Variants in GLUD1 observed in about 807,000 individuals in gnomAD.
GLUD1 encodes the protein glutamate dehydrogenase 1, also known as glutamate dehydrogenase 1, mitochondrial.
GLUD1 carries 22 observed loss-of-function variants against 56.0 expected under a neutral mutation model. The observed-to-expected ratio is 0.39, with a 90% CI of 0.28 to 0.56. The LOEUF is 0.56. Among genes scored for constraint, GLUD1 ranks in the 20% least tolerant of loss-of-function variants. GLUD1 has a pLI of 0.58. For synonymous variants in GLUD1, 223 were observed against 269.9 expected (o/e 0.83, Z 1.70); for missense variants, 451 against 732.0 (o/e 0.62, Z 4.43).
intron 1 of GLUD1, among the ~76,000 whole-genome samples, chr10:87,093,628 C>T (rs891931144): frequency 6.6e-6 from 1 of 152,184 alleles, no homozygotes; most frequent in Non-Finnish European, 1.5e-5. Flanking sequence ...CCATCCGCAG[C>T]CTACAACCTG....
intron 5 of GLUD1, among the ~76,000 whole-genome samples, chr10:87,066,349 C>T (rs1003684447): frequency 1.3e-5 from 2 of 152,270 alleles, no homozygotes; most frequent in Admixed American, 6.5e-5. Context: ...TGCTTGAAAC[C>T]AGCTCTTTGC....
chr10:87,066,428 G>C (rs950990794), intron 5 of GLUD1, among the ~76,000 whole-genome samples: 2 of 152,168 alleles, frequency 1.3e-5, no homozygotes, highest in African/African-American at 4.8e-5. Flanking sequence ...AACCTGGCCT[G>C]ACCCTTTTTT....
chr10:87,070,460 G>A (rs1375192513), intron 4 of GLUD1, among the ~76,000 whole-genome samples: 7 of 152,126 alleles, frequency 4.6e-5, no homozygotes, highest in Non-Finnish European at 1.0e-4. Flanking sequence ...TTAGCTGGGG[G>A]TGGAGGCACA....
intron 4 of GLUD1, among the ~76,000 whole-genome samples, chr10:87,071,045 C>G (rs1400751130): frequency 6.6e-6 from 1 of 151,794 alleles, no homozygotes; most frequent in Non-Finnish European, 1.5e-5. Context: ...AGGAGAATGG[C>G]GTGAACCCGG....
intron 11 of GLUD1, 40 bp downstream of exon 11, chr10:87,057,651 G>GAGCA (rs747444397): frequency 1.0e-6 from 1 of 974,482 alleles, no homozygotes; most frequent in Admixed American, 1.7e-5. Flanking sequence ...AAAGAGCAGG[G>GAGCA]AGCATGTGTG....
intron 12 of GLUD1, 102 bp downstream of exon 12, chr10:87,053,240 T>C (rs372290442): frequency 1.3e-4 from 102 of 798,486 alleles, no homozygotes; most frequent in African/African-American, 3.2e-4. Context: ...ATTGAACAGA[T>C]TGATGTTTTC....
intron 9 of GLUD1, among the ~76,000 whole-genome samples, chr10:87,059,832 C>T (rs1423354346): frequency 6.6e-6 from 1 of 152,160 alleles, no homozygotes; most frequent in Non-Finnish European, 1.5e-5. Context: ...GGAAAGGGCA[C>T]TTGAAATGCA....
chr10:87,061,973 C>G lies in GLUD1; in HGVS notation c.921+683G>C, dbSNP rs762036686. Reference sequence around the variant, plus strand: ...TAATTTTCCTATTTTTAGCGGAGACCGGGTTTCACCATGTTGGCCAGGATG... The same window carrying G: ...TAATTTTCCTATTTTTAGCGGAGACGGGGTTTCACCATGTTGGCCAGGATG... On this transcript the variant is annotated intron_variant, in intron 6 of 12. Coordinates refer to ENST00000277865, the MANE Select transcript of GLUD1 (RefSeq NM_005271.5). 3.3e-5 allele frequency among the ~76,000 whole-genome samples: 5 copies of G among 152,224 alleles called. No homozygotes were observed. The South Asian group carries it at 8.3e-4, about 25-fold the overall frequency.
intron 3 of GLUD1, 79 bp downstream of exon 3, chr10:87,075,889 G>T: frequency 9.9e-7 from 1 of 1,008,058 alleles, no homozygotes; most frequent in Middle Eastern, 2.1e-4. Context: ...ACTCCGGCCT[G>T]AACAACAGAG....
chr10:87,060,477 AT>A (rs1845901380), intron 8 of GLUD1: 2 of 674,382 alleles, frequency 3.0e-6, no homozygotes, highest in Non-Finnish European at 5.1e-6. Context: ...TGTCAGGCAG[AT>A]GCGTTTGTTT....
intron 1 of GLUD1, among the ~76,000 whole-genome samples, chr10:87,085,348 CAAAAAAAAA>C (rs10655872): frequency 8.9e-6 from 1 of 112,642 alleles, no homozygotes; most frequent in African/African-American, 3.1e-5. Flanking sequence ...ACTCCGTCTC[CAAAAAAAAA>C]AAAAAAAACC....
intron 3 of GLUD1, among the ~76,000 whole-genome samples, chr10:87,075,092 A>C (rs1009699939): frequency 3.3e-5 from 5 of 152,162 alleles, no homozygotes; most frequent in Admixed American, 6.5e-5. Context: ...TGACATAAAA[A>C]CTTCAGATCA....
rs1485067947 is a variant in GLUD1, at chr10:87,076,518, G to A, written c.526+58C>T. 53 of 975,692 alleles carry A rather than the reference G, an allele frequency of 5.4e-5. No homozygotes were observed. In the Admixed American group the frequency reaches 8.8e-4, roughly 16 times the overall value. 60.4% of individuals were successfully genotyped at this position (975,692 alleles called of 1,614,324 possible). A position where few individuals can be genotyped will look rare whatever the true frequency, so the allele number is the denominator to read the frequency against. ...TTCTACAGCATCTTAACAGTAACAT[G>A]TGTGTAAACATATTTCCCCAGAGTT... On this transcript the variant is annotated intron_variant, in intron 2 of 12. Coordinates refer to ENST00000277865, the MANE Select transcript of GLUD1 (RefSeq NM_005271.5).
chr10:87,093,942 A>C, intron 1 of GLUD1: 1 of 1,365,716 alleles, frequency 7.3e-7, no homozygotes. Flanking sequence ...CAAAAGCCCA[A>C]GAACACTGAC....
intron 11 of GLUD1, among the ~76,000 whole-genome samples, 192 bp from the exon 12 acceptor site, chr10:87,053,596 T>C (rs531378724): frequency 2.0e-5 from 3 of 152,308 alleles, no homozygotes; most frequent in Admixed American, 2.0e-4. Flanking sequence ...TGCTTGTTGA[T>C]CACAATTTAT....
chr10:87,087,284 T>G (rs972771620), intron 1 of GLUD1, among the ~76,000 whole-genome samples: 3 of 152,202 alleles, frequency 2.0e-5, no homozygotes, highest in Non-Finnish European at 4.4e-5. Flanking sequence ...GGTACCACCC[T>G]ACCCATACAT....
rs886047374 is a variant in GLUD1, at chr10:87,057,793, A to T, written c.1403-11T>A. 2 of 1,301,914 alleles carry T rather than the reference A, an allele frequency of 1.5e-6. No homozygotes were observed. Among genetic ancestry groups the T allele is most frequent in the Non-Finnish European group, 2.2e-6 (2 of 895,184 alleles). The allele number at this position is 1,301,914 out of a possible 1,614,324, so 80.6% of individuals were successfully genotyped here. A position where few individuals can be genotyped will look rare whatever the true frequency, so the allele number is the denominator to read the frequency against. ...TCTCTTGAACAGACACTACAAAAAA[A>T]TAACAAGAGATCAAGATATTGCTAA... is the stretch of plus-strand genomic sequence containing the variant. On this transcript the variant is annotated splice_polypyrimidine_tract_variant and intron_variant, in intron 10 of 12. Transcript: ENST00000277865.
In GLUD1 at chr10:87,060,610, CTCAA is replaced by C. The variant is rs1158031626; in HGVS notation, c.1197+74_1197+77del. 8.3e-5 allele frequency: 128 copies of C among 1,548,792 alleles called. No individual in the cohort carries two copies. In the East Asian group the frequency reaches 2.8e-3, roughly 34 times the overall value. On this transcript the variant is annotated intron_variant, in intron 8 of 12. Transcript: ENST00000277865. ...AAAGCTGCTAAAAAGAAAGAGAAAACTCAATCAGACTCTTCTATGACCCCCCTAA... is the reference window on the plus strand; with the variant it reads ...AAAGCTGCTAAAAAGAAAGAGAAAACTCAGACTCTTCTATGACCCCCCTAA...
Position 87,053,348 on chromosome 10 carries a change from A to T in GLUD1, c.1551T>A (p.Ser517=). ...HSGLAYTMER[S]ARQIMRTAMK... ...ACAGCATCTGCACACATACCCTGGC[A>T]GAACGCTCCATTGTGTATGCCAAGC... Residue 517 remains serine, a synonymous_variant, in exon 12 of 13, where the codon TCT becomes TCA. Transcript: ENST00000277865. The T allele has an allele frequency of 6.2e-7, 1 of 1,608,334 alleles. No homozygotes were observed.
Sources: allele counts gnomAD v4.1 joint callset (sites outside exome capture counted in the v4.1 genomes callset), GRCh38; gene constraint gnomAD v4.1.1; transcripts MANE v1.5; gene names NCBI Gene and HGNC (gene_info 2026-07-23, HGNC 2026-07-21).